The following TG variants were observed in gnomAD, a reference collection of about 807,000 sequenced individuals.
TG encodes thyroid hormones.
Under a neutral mutation model 324.7 loss-of-function variants are expected in TG, and 270 were observed. That is an observed-to-expected ratio of 0.83 (90% CI 0.75 to 0.92). The LOEUF is 0.92. Ranked by LOEUF, TG falls within the 40% of genes least tolerant of loss-of-function variation. TG has a pLI of 0.00. For synonymous variants in TG, 1,401 were observed against 1,327.0 expected (o/e 1.06, Z -1.21); for missense variants, 3,591 against 3,456.4 (o/e 1.04, Z -0.98).
chr8:133,086,947 C>T (rs1345910601), intron 41 of TG, among the ~76,000 whole-genome samples: 1 of 152,052 alleles, frequency 6.6e-6, no homozygotes, highest in East Asian at 1.9e-4. Context: ...AATTAGCATG[C>T]TGGCATTGAA....
chr8:132,910,714 A>G (rs988501018), intron 18 of TG, among the ~76,000 whole-genome samples: 8 of 152,198 alleles, frequency 5.3e-5, no homozygotes, highest in Non-Finnish European at 1.2e-4. Context: ...TCCAGAACTT[A>G]TGAGAAAAAA....
intron 5 of TG, among the ~76,000 whole-genome samples, chr8:132,877,082 G>A (rs1423144452): frequency 1.3e-5 from 2 of 152,214 alleles, no homozygotes; most frequent in African/African-American, 4.8e-5. Context: ...ACAGACACCT[G>A]TGGTGGTTGG....
At chr8:133,121,355 C>A (rs534824569) in intron 45 of TG, among the ~76,000 whole-genome samples, 42 of 152,242 alleles carry the variant, frequency 2.8e-4, no homozygotes, top group Non-Finnish European at 3.1e-4. Context: ...CTGAGCCTCC[C>A]AGCCCCTTTC....
chr8:132,900,197 C>G, intron 14 of TG, 40 bp from the exon 15 acceptor site: 1 of 1,590,486 alleles, frequency 6.3e-7, no homozygotes, highest in Non-Finnish European at 8.6e-7. Flanking sequence ...ACTAGAGCAT[C>G]TTGCCCACAG....
chr8:133,002,356 A>G, intron 35 of TG: 1 of 985,490 alleles, frequency 1.0e-6, no homozygotes, highest in Non-Finnish European at 1.2e-6. Context: ...ACTGTCTTTA[A>G]ACCAGTACAA....
Position 132,882,628 on chromosome 8 carries a change from C to A in TG, c.889+16C>A. 1 of 1,614,218 alleles carries A rather than the reference C, an allele frequency of 6.2e-7. No individual in the cohort carries two copies. The highest frequency in any genetic ancestry group is 2.2e-5 in the East Asian group (1 of 44,884). Reference sequence around the variant, plus strand: ...AGATTCCGATGTAAGTAATAAACTGCCAACAATGTGCGTGTTTCCATTAGG... The same window carrying A: ...AGATTCCGATGTAAGTAATAAACTGACAACAATGTGCGTGTTTCCATTAGG... On this transcript the variant is annotated intron_variant, in intron 7 of 47. Coordinates refer to ENST00000220616, the MANE Select transcript of TG (RefSeq NM_003235.5).
chr8:132,951,923 T>A (rs1172288117), intron 27 of TG, among the ~76,000 whole-genome samples: 1 of 152,168 alleles, frequency 6.6e-6, no homozygotes, highest in Non-Finnish European at 1.5e-5. Context: ...AAGAGGAGGA[T>A]TCTGGGTACA....
chr8:133,000,144 C>T (rs965603385), intron 35 of TG, among the ~76,000 whole-genome samples: 1 of 152,194 alleles, frequency 6.6e-6, no homozygotes, highest in Non-Finnish European at 1.5e-5. Context: ...AGGTCAAATC[C>T]TTAACAAATG....
intron 15 of TG, among the ~76,000 whole-genome samples, chr8:132,900,564 G>A (rs1460906311): frequency 6.6e-6 from 1 of 152,214 alleles, no homozygotes; most frequent in Non-Finnish European, 1.5e-5. Flanking sequence ...AGTAGGCTGT[G>A]CTTTGTGTCT....
chr8:132,907,408 T>A (rs1267300238), intron 17 of TG, among the ~76,000 whole-genome samples: 2 of 152,174 alleles, frequency 1.3e-5, no homozygotes. Flanking sequence ...GGAACTTGTG[T>A]AAGTTTCGGC....
In TG at chr8:132,897,702, T is replaced by A. The variant is rs1563925497; in HGVS notation, c.3055T>A (p.Ser1019Thr). The A allele has an allele frequency of 1.2e-6, 2 of 1,614,212 alleles. No homozygotes were observed. The highest frequency in any genetic ancestry group is 1.7e-6 in the Non-Finnish European group (2 of 1,180,042). Residue 1019 changes from serine to threonine, a missense_variant, in exon 12 of 48, where the codon TCC becomes ACC. Coordinates refer to ENST00000220616, the MANE Select transcript of TG (RefSeq NM_003235.5). ...RFSPDDSAGA[S>T]ALLRSGPYMP... is the part of the protein sequence containing the mutation. Reference sequence around the variant, plus strand: ...TTCCCCGGACGACTCGGCTGGAGCATCCGCCCTTCTGCGGTCGGGCCCCTA... The same window carrying A: ...TTCCCCGGACGACTCGGCTGGAGCAACCGCCCTTCTGCGGTCGGGCCCCTA...
At chr8:133,120,511 G>A (rs1484542588) in intron 45 of TG, among the ~76,000 whole-genome samples, 1 of 152,212 alleles carries the variant, frequency 6.6e-6, no homozygotes, top group African/African-American at 2.4e-5. Flanking sequence ...TGCTCCCCCT[G>A]TAGGTGCTAG....
chr8:133,059,116 C>G (rs1841984178), intron 41 of TG: 1 of 456,318 alleles, frequency 2.2e-6, no homozygotes, highest in Non-Finnish European at 4.4e-6. Context: ...GCTCGGCAGA[C>G]AGGGCAGCCA....
At position 132,982,625 on chromosome 8, in the gene TG, G is replaced by A. The variant is rs574675228; in HGVS notation, c.6200-725G>A. Among the ~76,000 whole-genome samples, 39 of 152,252 alleles carry A rather than the reference G, an allele frequency of 2.6e-4. 1 individual carries two copies. The East Asian group carries it at 3.9e-3, about 15-fold the overall frequency. The stretch of plus-strand genomic sequence containing the variant: ...AAAGTCCAGGCTGCCACCATGCTGT[G>A]CTGCTTGCTATTAGCAGCTGGCATT... On this transcript the variant is annotated intron_variant, in intron 34 of 47. Coordinates refer to ENST00000220616, the MANE Select transcript of TG (RefSeq NM_003235.5).
chr8:132,881,859 C>T lies in TG; in HGVS notation c.639-4C>T, dbSNP rs1335048692. 8 of 1,604,952 alleles carry T rather than the reference C, an allele frequency of 5.0e-6. No homozygotes were observed. The Admixed American group carries it at 1.3e-4, about 27-fold the overall frequency. On this transcript the variant is annotated splice_region_variant and splice_polypyrimidine_tract_variant and intron_variant, in intron 5 of 47. Transcript: ENST00000220616. ...TGGTGACCGTAAATCTCATTCTCTC[C>T]AAGGTTTCCAGATGCATTTGTGACC...
chr8:132,935,511 T>C, intron 24 of TG, among the ~76,000 whole-genome samples: 1 of 152,140 alleles, frequency 6.6e-6, no homozygotes, highest in Non-Finnish European at 1.5e-5. Context: ...TTCTAGCTTC[T>C]CTTTCTGAAT....
intron 43 of TG, among the ~76,000 whole-genome samples, chr8:133,111,896 C>T (rs775992705): frequency 3.9e-5 from 6 of 152,238 alleles, no homozygotes; most frequent in Non-Finnish European, 7.4e-5. Flanking sequence ...CTCCTGGCTT[C>T]GGTCATCCTG....
chr8:132,994,665 T>G (rs1832699721), intron 35 of TG: 5 of 1,284,826 alleles, frequency 3.9e-6, no homozygotes, highest in Non-Finnish European at 5.1e-6. Context: ...CCTGACCTCC[T>G]GAAGGAACTC....
At position 132,906,856 on chromosome 8, in the gene TG, G is replaced by C; in HGVS notation, c.3803G>C (p.Ser1268Thr). The change falls in exon 17 of 48, where the codon AGC becomes ACC. Residue 1268 changes from serine to threonine, a missense_variant. Physicochemically the swap from Ser to Thr is moderately conservative, Grantham distance 58. Coordinates refer to ENST00000220616, the MANE Select transcript of TG (RefSeq NM_003235.5). ...PPGPLICSLE[S>T]GRWESQLPQP... ...GGGCCATTGATATGTAGCCTGGAGA[G>C]CGGACGCTGGGAGTCACAGCTGCCT... 4 of 1,613,898 alleles carry C rather than the reference G, an allele frequency of 2.5e-6. No individual in the cohort carries two copies. In the South Asian group the frequency reaches 4.4e-5, roughly 18 times the overall value.
Sources: gnomAD v4.1 joint callset for allele counts (sites outside exome capture counted in the v4.1 genomes callset) on GRCh38, gnomAD v4.1.1 for gene constraint, MANE v1.5 for transcripts, NCBI Gene and HGNC (gene_info 2026-07-23, HGNC 2026-07-21) for gene names.